CORO2B: variants seen among roughly 807,000 people sequenced by gnomAD.
CORO2B encodes the protein coronin 2B.
In CORO2B, 26 loss-of-function variants were observed where a neutral mutation model predicts 58.8. The ratio of observed to expected loss-of-function variants is 0.44; its 90% CI spans 0.32 to 0.61. The LOEUF (loss-of-function observed/expected upper bound fraction) is 0.61. Among genes scored for constraint, CORO2B ranks in the 20% least tolerant of loss-of-function variants. The pLI, the probability that CORO2B is intolerant of heterozygous loss-of-function variation, is 0.04. For synonymous variants in CORO2B, 242 were observed against 253.8 expected (o/e 0.95, Z 0.44); for missense variants, 460 against 645.1 (o/e 0.71, Z 3.11).
At chr15:68,570,799 G>GTT in the CORO2B span, among the ~76,000 whole-genome samples, 53,633 of 78,624 alleles carry the variant, frequency 0.68, 20,972 homozygotes, top group East Asian at 0.81. Flanking sequence ...ACTACACGTA[G>GTT]TTTTTTTTTT....
At chr15:68,566,003 C>A in the CORO2B span, among the ~76,000 whole-genome samples, 1 of 152,212 alleles carries the variant, frequency 6.6e-6, no homozygotes, top group Admixed American at 6.5e-5. Context: ...CTTTCCTCCA[C>A]CTCTGTGGAG....
chr15:68,583,364 T>C (rs1186618121), intron 1 of CORO2B, among the ~76,000 whole-genome samples: 2 of 152,118 alleles, frequency 1.3e-5, no homozygotes, highest in Non-Finnish European at 2.9e-5. Context: ...TTGCCCAAAG[T>C]CATTCAGTAA....
At chr15:68,624,216 A>G (rs948250589) in intron 1 of CORO2B, among the ~76,000 whole-genome samples, 1 of 152,162 alleles carries the variant, frequency 6.6e-6, no homozygotes, top group African/African-American at 2.4e-5. Flanking sequence ...GTCGGCTATT[A>G]GAATCAGCCA....
Position 68,579,112 on chromosome 15 carries a change from C to G in CORO2B, c.-151C>G, listed in dbSNP as rs1367624992. On this transcript the variant is annotated 5_prime_UTR_variant, in exon 1 of 12. Transcript: ENST00000261861. ...CGAGCGGTCCCTGCGCGCTGCCCGC[C>G]CGGAGCGCAGCCCCCAGGCTCGGCC... 1 of 982,382 alleles carries G rather than the reference C, an allele frequency of 1.0e-6. No individual in the cohort carries two copies. The highest frequency in any genetic ancestry group is 1.2e-6 in the Non-Finnish European group (1 of 828,766). 60.9% of individuals were successfully genotyped at this position (982,382 alleles called of 1,614,324 possible). A position where few individuals can be genotyped will look rare whatever the true frequency, so the allele number is the denominator to read the frequency against.
intron 1 of CORO2B, among the ~76,000 whole-genome samples, chr15:68,591,489 T>C (rs946922177): frequency 7.2e-5 from 11 of 152,290 alleles, no homozygotes; most frequent in Admixed American, 7.2e-4. Flanking sequence ...TTGTGTGGTG[T>C]TGCTGGGAGT....
At chr15:68,626,763 G>A (rs74020258) in intron 1 of CORO2B, among the ~76,000 whole-genome samples, 3,224 of 152,270 alleles carry the variant, frequency 0.021, 94 homozygotes, top group African/African-American at 0.07. Flanking sequence ...ATGAAAAAAC[G>A]TCTCCACAGG....
At chr15:68,542,930 A>G in the CORO2B span, among the ~76,000 whole-genome samples, 4 of 152,172 alleles carry the variant, frequency 2.6e-5, no homozygotes, top group African/African-American at 9.7e-5. Flanking sequence ...ATCAGCAATC[A>G]ATGTGTGACT....
At chr15:68,668,812 C>T (rs1902281809) in intron 2 of CORO2B, among the ~76,000 whole-genome samples, 1 of 152,190 alleles carries the variant, frequency 6.6e-6, no homozygotes, top group African/African-American at 2.4e-5. Context: ...AGCATGGTGG[C>T]TCACGCCTGT....
intron 2 of CORO2B, among the ~76,000 whole-genome samples, chr15:68,654,445 T>C (rs1390888370): frequency 6.6e-6 from 1 of 152,200 alleles, no homozygotes. Flanking sequence ...TCACTAGGAC[T>C]CTGTGAAGTC....
chr15:68,575,592 T>G (rs1355740984), upstream of CORO2B, among the ~76,000 whole-genome samples: 1 of 38,232 alleles, frequency 2.6e-5, no homozygotes, highest in African/African-American at 8.8e-5. Flanking sequence ...CGCCTCGGCC[T>G]CCCAAAGTGC....
chr15:68,661,441 A>C (rs1902011591), intron 2 of CORO2B, among the ~76,000 whole-genome samples: 1 of 152,218 alleles, frequency 6.6e-6, no homozygotes, highest in South Asian at 2.1e-4. Flanking sequence ...CAGGGACAAA[A>C]CATTCAACCA....
chr15:68,669,494 A>G (rs1411883299), intron 2 of CORO2B, among the ~76,000 whole-genome samples: 3 of 152,188 alleles, frequency 2.0e-5, no homozygotes, highest in Non-Finnish European at 4.4e-5. Flanking sequence ...AAATTGCAGT[A>G]TGCTTTGCGT....
At chr15:68,715,011 C>T (rs563019840) in intron 7 of CORO2B, among the ~76,000 whole-genome samples, 53 of 152,330 alleles carry the variant, frequency 3.5e-4, no homozygotes, top group African/African-American at 1.2e-3. Context: ...CACACACTCA[C>T]ATCAGCCCAT....
At chr15:68,591,406 G>T (rs1264487214) in intron 1 of CORO2B, among the ~76,000 whole-genome samples, 2 of 152,208 alleles carry the variant, frequency 1.3e-5, no homozygotes, top group African/African-American at 4.8e-5. Flanking sequence ...AAATGGAGGG[G>T]CTGTATGTGG....
intron 1 of CORO2B, among the ~76,000 whole-genome samples, chr15:68,634,074 G>A (rs1473805994): frequency 6.6e-6 from 1 of 152,196 alleles, no homozygotes. Flanking sequence ...CCTTTGGCCT[G>A]GACTATGAAA....
the CORO2B span, among the ~76,000 whole-genome samples, chr15:68,524,234 G>T: frequency 1.2e-4 from 18 of 151,900 alleles, no homozygotes; most frequent in Non-Finnish European, 2.6e-4. Flanking sequence ...AAAAAGAAAA[G>T]AAAAAATTCC....
At chr15:68,719,062 T>C (rs1392012926) in intron 9 of CORO2B, 82 bp from the exon 10 acceptor site, 3 of 1,130,810 alleles carry the variant, frequency 2.7e-6, no homozygotes, top group African/African-American at 3.1e-5. Context: ...TGACTGGAGA[T>C]CAGTAAGAAG....
At chr15:68,704,326 AG>A (rs1380810813) in intron 3 of CORO2B, among the ~76,000 whole-genome samples, 2 of 152,098 alleles carry the variant, frequency 1.3e-5, no homozygotes, top group African/African-American at 4.8e-5. Context: ...ATATTAGGTA[AG>A]CATCCTTAAG....
intron 1 of CORO2B, among the ~76,000 whole-genome samples, chr15:68,633,535 ACACACACACACT>A (rs1238366167): frequency 2.6e-5 from 4 of 151,904 alleles, no homozygotes; most frequent in African/African-American, 9.7e-5. Context: ...ACACACACAC[ACACACACACACT>A]CACTCCTTGG....
Sources: gnomAD v4.1 joint callset for allele counts (sites outside exome capture counted in the v4.1 genomes callset) on GRCh38, gnomAD v4.1.1 for gene constraint, MANE v1.5 for transcripts, NCBI Gene and HGNC (gene_info 2026-07-23, HGNC 2026-07-21) for gene names.